The following EML6 variants were observed in gnomAD, a reference collection of about 807,000 sequenced individuals.
EML6 encodes the protein echinoderm microtubule-associated protein-like 6.
EML6 carries 154 observed loss-of-function variants against 240.1 expected under a neutral mutation model. That is an observed-to-expected ratio of 0.64 (90% CI 0.56 to 0.73). The LOEUF is 0.73. Ranked by LOEUF, EML6 falls within the 30% of genes least tolerant of loss-of-function variation. EML6 has a pLI of 0.00. For synonymous variants in EML6, 1,148 were observed against 899.0 expected, an observed-to-expected ratio of 1.28 and a Z score of -4.95; for missense variants, 2,964 against 2,474.6, an observed-to-expected ratio of 1.20 and a Z score of -4.20.
chr2:54,866,961 A>C, intron 14 of EML6, 77 bp downstream of exon 14: 3 of 798,444 alleles, frequency 3.8e-6, no homozygotes, highest in Non-Finnish European at 6.3e-6. Context: ...CACCAGGCTT[A>C]AGGGATCCCC....
At chr2:54,826,737 C>T (rs1572960246) in intron 5 of EML6, among the ~76,000 whole-genome samples, 1 of 152,110 alleles carries the variant, frequency 6.6e-6, no homozygotes, top group African/African-American at 2.4e-5. Flanking sequence ...TTTTATGCAA[C>T]TAAAACTGAA....
At chr2:54,813,599 C>T (rs893104645) in intron 3 of EML6, among the ~76,000 whole-genome samples, 1 of 152,158 alleles carries the variant, frequency 6.6e-6, no homozygotes, top group African/African-American at 2.4e-5. Flanking sequence ...TTCCCCTAGT[C>T]CCACCATCTG....
chr2:54,847,696 A>G (rs1370629624), intron 9 of EML6, 73 bp downstream of exon 9: 1 of 1,470,252 alleles, frequency 6.8e-7, no homozygotes, highest in Non-Finnish European at 9.2e-7. Flanking sequence ...TGGTCATAAT[A>G]CATGCTAGGA....
intron 26 of EML6, among the ~76,000 whole-genome samples, chr2:54,923,124 A>G (rs1674348629): frequency 6.6e-6 from 1 of 151,772 alleles, no homozygotes; most frequent in Non-Finnish European, 1.5e-5. Flanking sequence ...TAATTTTGGT[A>G]GAGATGGGGT....
rs895669786 is a variant in EML6 at position 54,903,424 on chromosome 2, A to T, written c.3331A>T (p.Asn1111Tyr). The stretch of plus-strand genomic sequence containing the variant: ...CCATGATAACTTTGTGGATATTTAC[A>T]ACGTACTTACAAGCAAAAGGGTTGG... Reference protein sequence around the residue: ...ASHDNFVDIYNVLTSKRVGIC... With the variant: ...ASHDNFVDIYYVLTSKRVGIC... The change falls in exon 24 of 42, where the codon AAC (asparagine) becomes TAC (tyrosine). Residue 1111 changes from asparagine to tyrosine, a missense_variant. Asn to Tyr is a moderately radical substitution (Grantham distance 143). Coordinates refer to ENST00000356458, the MANE Select transcript of EML6 (RefSeq NM_001039753.4). The T allele has an allele frequency of 3.2e-6, 5 of 1,551,770 alleles. No individual in the cohort carries two copies. The highest frequency in any genetic ancestry group is 3.9e-5 in the Admixed American group (2 of 50,988).
chr2:54,824,684 G>T (rs540240619), intron 5 of EML6, among the ~76,000 whole-genome samples: 321 of 152,272 alleles, frequency 2.1e-3, no homozygotes, highest in Non-Finnish European at 3.4e-3. Flanking sequence ...AGCATCGGCT[G>T]CTTCACTGGT....
intron 28 of EML6, among the ~76,000 whole-genome samples, chr2:54,934,371 G>T (rs754783879): frequency 2.6e-5 from 4 of 152,000 alleles, no homozygotes; most frequent in Non-Finnish European, 5.9e-5. Context: ...CTGGCTCAGG[G>T]CTTGGCTGCT....
rs1222096071 is a variant in EML6, at chr2:54,813,237, C to G, written c.203C>G (p.Ala68Gly). Reference protein sequence around the residue: ...LGHNDDIISLALHPDKTLVAT... With the variant: ...LGHNDDIISLGLHPDKTLVAT... The stretch of plus-strand genomic sequence containing the variant: ...AGAAACCTTTTCTCTTTCAGCCTTG[C>G]CTTACACCCAGACAAAACTCTCGTT... The change falls in exon 3 of 42, where the codon GCC becomes GGC. Residue 68 changes from alanine to glycine, a missense_variant. Transcript: ENST00000356458. 3 of 1,548,738 alleles carry G rather than the reference C, an allele frequency of 1.9e-6. No homozygotes were observed. Among genetic ancestry groups the G allele is most frequent in the Non-Finnish European group, 2.6e-6 (3 of 1,145,358 alleles).
chr2:54,827,474 A>AT, intron 5 of EML6, 92 bp from the exon 6 acceptor site: 1 of 1,060,528 alleles, frequency 9.4e-7, no homozygotes, highest in Non-Finnish European at 1.4e-6. Flanking sequence ...GATAGAGCAC[A>AT]TTATGTGAAA....
intron 22 of EML6, among the ~76,000 whole-genome samples, chr2:54,900,278 G>C (rs985832099): frequency 6.6e-6 from 1 of 152,198 alleles, no homozygotes; most frequent in African/African-American, 2.4e-5. Context: ...AGTAGCTTCT[G>C]TGTGGCAGGC....
Position 54,967,012 on chromosome 2 carries a change from G to A in EML6, c.5506G>A (p.Ala1836Thr), listed in dbSNP as rs1449102739. The A allele has an allele frequency of 1.3e-6, 2 of 1,550,876 alleles. No individual in the cohort carries two copies. The highest frequency in any genetic ancestry group is 3.9e-5 in the Admixed American group (2 of 50,994). ...CTTCTACCTACAGGTGTCAACAGGT[G>A]CCTATAAGCGCCAGGTGCATGAGGT... ...DGKYIQVSTG[A>T]YKRQVHEVPL... Residue 1836 changes from alanine (A) to threonine (T), a missense_variant, in exon 39 of 42, where the codon GCC (alanine) becomes ACC (threonine). Physicochemically the swap from Ala to Thr is moderately conservative, Grantham distance 58. Transcript: ENST00000356458.
intron 24 of EML6, among the ~76,000 whole-genome samples, chr2:54,906,352 A>T (rs977266526): frequency 3.3e-5 from 5 of 152,228 alleles, no homozygotes; most frequent in Admixed American, 6.5e-5. Context: ...CCAGATAGAA[A>T]GCACAAGATC....
intron 26 of EML6, among the ~76,000 whole-genome samples, chr2:54,922,694 T>C (rs1451975584): frequency 6.6e-6 from 1 of 152,188 alleles, no homozygotes; most frequent in Admixed American, 6.5e-5. Context: ...TATATACATA[T>C]ACATGGTGGC....
intron 5 of EML6, among the ~76,000 whole-genome samples, chr2:54,822,703 G>T (rs995262788): frequency 6.6e-6 from 1 of 152,106 alleles, no homozygotes; most frequent in African/African-American, 2.4e-5. Flanking sequence ...ACATTTTTAT[G>T]TGGGAAATAC....
intron 22 of EML6, 39 bp downstream of exon 22, chr2:54,899,821 C>A (rs1052232244): frequency 3.9e-6 from 6 of 1,520,528 alleles, no homozygotes; most frequent in Non-Finnish European, 5.3e-6. Flanking sequence ...AGAGTATTTA[C>A]AAGTAACAGA....
intron 3 of EML6, among the ~76,000 whole-genome samples, chr2:54,814,917 T>C (rs1248468068): frequency 6.6e-6 from 1 of 152,258 alleles, no homozygotes; most frequent in Non-Finnish European, 1.5e-5. Context: ...CATAAAGAGA[T>C]AATAGCTGGA....
At chr2:54,824,457 G>T (rs1245301514) in intron 5 of EML6, among the ~76,000 whole-genome samples, 2 of 151,934 alleles carry the variant, frequency 1.3e-5, no homozygotes, top group African/African-American at 4.8e-5. Flanking sequence ...CAATTACCAG[G>T]ATTTCTCCAC....
chr2:54,832,140 C>T (rs1055248638), intron 7 of EML6, among the ~76,000 whole-genome samples: 3 of 152,166 alleles, frequency 2.0e-5, no homozygotes, highest in African/African-American at 7.2e-5. Context: ...AGTGAAAAAA[C>T]AATGTACATG....
At chr2:54,956,237 GTT>G (rs1558724222) in intron 32 of EML6, among the ~76,000 whole-genome samples, 1 of 147,928 alleles carries the variant, frequency 6.8e-6, no homozygotes, top group East Asian at 2.0e-4. Context: ...GCAACTCATT[GTT>G]TGTTTGCACT....
Sources: gnomAD v4.1 joint callset for allele counts (sites outside exome capture counted in the v4.1 genomes callset) on GRCh38, gnomAD v4.1.1 for gene constraint, MANE v1.5 for transcripts, NCBI Gene and HGNC (gene_info 2026-07-23, HGNC 2026-07-21) for gene names.